Variants in ATAD2 observed in about 807,000 individuals in gnomAD.
The protein encoded by ATAD2 is ATPase family AAA domain containing 2.
A neutral mutation model predicts 168.9 loss-of-function variants in ATAD2; 62 were observed. The observed-to-expected ratio is 0.37, with a 90% CI of 0.30 to 0.45. The LOEUF is 0.45. ATAD2 is among the 20% of genes least tolerant of loss of function. The pLI, the probability that ATAD2 is intolerant of heterozygous loss-of-function variation, is 1.00. For synonymous variants in ATAD2, 613 were observed against 571.6 expected, an observed-to-expected ratio of 1.07 and a Z score of -1.03; for missense variants, 1,419 against 1,667.8, an observed-to-expected ratio of 0.85 and a Z score of 2.60.
At chr8:123,364,786 A>C (rs1285069542) in intron 8 of ATAD2, among the ~76,000 whole-genome samples, 1 of 152,176 alleles carries the variant, frequency 6.6e-6, no homozygotes, top group African/African-American at 2.4e-5. Flanking sequence ...CAATGTAATA[A>C]AAGCCATCTA....
At chr8:123,344,793 T>C in intron 19 of ATAD2, 91 bp downstream of exon 19, 1 of 1,382,534 alleles carries the variant, frequency 7.2e-7, no homozygotes. Flanking sequence ...TATTCACTTC[T>C]ACAGCATTTG....
At chr8:123,353,385 ACAAAC>A (rs981831330) in intron 13 of ATAD2, among the ~76,000 whole-genome samples, 1 of 152,108 alleles carries the variant, frequency 6.6e-6, no homozygotes, top group Non-Finnish European at 1.5e-5. Flanking sequence ...AACAACAACA[ACAAAC>A]CAAACCAAAA....
Position 123,369,923 on chromosome 8 carries a change from C to A in ATAD2, c.829G>T (p.Asp277Tyr), listed in dbSNP as rs745660143. 2.6e-6 allele frequency: 4 copies of A among 1,550,444 alleles called. No homozygotes were observed. Among genetic ancestry groups the A allele is most frequent in the African/African-American group, 1.4e-5 (1 of 70,914 alleles). ...TCTTCTTCATCTTCATCATCTTCAT[C>A]ATCATCATCATCATCATCATCGTCA... ...DDDDDDDDDD[D>Y]EDDEDEEDGE... is the part of the protein sequence containing the mutation. Residue 277 changes from aspartate (D) to tyrosine (Y), a missense_variant, in exon 7 of 28, where the codon GAT (aspartate) becomes TAT (tyrosine). Coordinates refer to ENST00000287394, the MANE Select transcript of ATAD2 (RefSeq NM_014109.4).
chr8:123,351,833 C>T (rs181268809), intron 13 of ATAD2, among the ~76,000 whole-genome samples: 134 of 151,846 alleles, frequency 8.8e-4, no homozygotes, highest in African/African-American at 3.0e-3. Context: ...CTGCAAGCTC[C>T]GCCTCCCGGG....
intron 1 of ATAD2, among the ~76,000 whole-genome samples, chr8:123,388,256 C>T (rs1829704066): frequency 6.6e-6 from 1 of 152,164 alleles, no homozygotes. Flanking sequence ...AGTACAGTGG[C>T]ACAATCATGG....
chr8:123,396,416 C>T lies in ATAD2; in HGVS notation c.-59G>A. ...GGAGAGAGATCCAGCTCCAGGCGCT[C>T]GCAGCTCTGGCTCTTCCGCGCTCCG... is the stretch of plus-strand genomic sequence containing the variant. On this transcript the variant is annotated 5_prime_UTR_variant, in exon 1 of 28. Transcript: ENST00000287394. The T allele has an allele frequency of 8.3e-6, 12 of 1,454,176 alleles. No individual in the cohort carries two copies. The highest frequency in any genetic ancestry group is 1.1e-5 in the Non-Finnish European group (12 of 1,104,210). The allele number at this position is 1,454,176 out of a possible 1,614,324, so 90.1% of individuals were successfully genotyped here. A position where few individuals can be genotyped will look rare whatever the true frequency, so the allele number is the denominator to read the frequency against.
chr8:123,409,358 A>G (rs943326689), intron 1 of ATAD2, among the ~76,000 whole-genome samples: 1 of 152,208 alleles, frequency 6.6e-6, no homozygotes, highest in Non-Finnish European at 1.5e-5. Flanking sequence ...CTGAGTTCAC[A>G]TAGTACATTG....
chr8:123,371,032 T>C, intron 5 of ATAD2, 42 bp from the exon 6 acceptor site: 2 of 1,431,598 alleles, frequency 1.4e-6, no homozygotes, highest in Non-Finnish European at 1.9e-6. Context: ...TTGGAATCTA[T>C]TTATTAAAAA....
At chr8:123,372,894 T>C (rs1829190175) in intron 2 of ATAD2, among the ~76,000 whole-genome samples, 1 of 141,924 alleles carries the variant, frequency 7.0e-6, no homozygotes, top group Non-Finnish European at 1.5e-5. Flanking sequence ...CCAGCTAACT[T>C]TTTTTTTTTT....
At chr8:123,382,643 A>G (rs956994312) in intron 1 of ATAD2, among the ~76,000 whole-genome samples, 1 of 152,226 alleles carries the variant, frequency 6.6e-6, no homozygotes, top group African/African-American at 2.4e-5. Flanking sequence ...TAAAACCACA[A>G]TGAGATACCA....
intron 1 of ATAD2, among the ~76,000 whole-genome samples, chr8:123,407,482 G>A (rs1813083340): frequency 6.6e-6 from 1 of 152,162 alleles, no homozygotes; most frequent in Non-Finnish European, 1.5e-5. Context: ...CCAGCACTTC[G>A]GGAGGCTGAG....
In ATAD2 at chr8:123,328,289, T is replaced by C. The variant is rs1392887308; in HGVS notation, c.3769A>G (p.Lys1257Glu). 4 of 1,602,430 alleles carry C rather than the reference T, an allele frequency of 2.5e-6. No homozygotes were observed. Among genetic ancestry groups the C allele is most frequent in the Non-Finnish European group, 2.6e-6 (3 of 1,175,746 alleles). ...NIENELEDSR[K>E]TTACTELRDK... ...CTCAATTCTGTACATGCTGTAGTCT[T>C]CCTAGAGTCTTCAAGCTCATTCTCT... is the stretch of plus-strand genomic sequence containing the variant. Residue 1257 changes from lysine (K) to glutamate (E), a missense_variant, in exon 25 of 28, where the codon AAG becomes GAG. By Grantham distance (56) the Lys-to-Glu change is moderately conservative (BLOSUM62 1). Around this residue, in one of 5 missense-constraint regions of ATAD2, gnomAD observed 303 missense variants for 304.3 expected, o/e 1.00. Transcript: ENST00000287394.
chr8:123,384,384 T>G (rs1421989622), intron 1 of ATAD2, among the ~76,000 whole-genome samples: 1 of 152,206 alleles, frequency 6.6e-6, no homozygotes. Flanking sequence ...TTTTTGTTTG[T>G]TTGTTTTGCT....
intron 2 of ATAD2, among the ~76,000 whole-genome samples, chr8:123,378,358 A>C (rs1829385118): frequency 6.6e-6 from 1 of 152,220 alleles, no homozygotes; most frequent in Admixed American, 6.5e-5. Context: ...TTAAAAACTC[A>C]AAAGGGCATA....
rs572719990 is a variant in ATAD2 at position 123,353,437 on chromosome 8, A to AT, written c.1646+2951dup. On this transcript the variant is annotated intron_variant, in intron 13 of 27. Transcript: ENST00000287394. The stretch of plus-strand genomic sequence containing the variant: ...AAAAAACTAACAACATAAAAAAGTG[A>AT]TTTTTTTTAGGTATTTGATATATTT... Among the ~76,000 whole-genome samples the AT allele has an allele frequency of 4.0e-4, 61 of 152,090 alleles. No homozygotes were observed. In the South Asian group the frequency reaches 8.3e-3, roughly 21 times the overall value.
upstream of ATAD2, among the ~76,000 whole-genome samples, chr8:123,397,707 T>A (rs1812920988): frequency 6.6e-6 from 1 of 152,098 alleles, no homozygotes; most frequent in African/African-American, 2.4e-5. Flanking sequence ...AGAACAAAAA[T>A]GCCCTAATGG....
At chr8:123,389,623 G>C (rs888164518) in intron 1 of ATAD2, among the ~76,000 whole-genome samples, 5 of 151,158 alleles carry the variant, frequency 3.3e-5, no homozygotes, top group African/African-American at 1.2e-4. Flanking sequence ...CTGGGCGACA[G>C]AGCAAGGCTC....
In ATAD2 at chr8:123,330,489, C is replaced by T. The variant is rs574052942; in HGVS notation, c.3479-1910G>A. 1.1e-4 allele frequency among the ~76,000 whole-genome samples: 16 copies of T among 152,196 alleles called. No individual in the cohort carries two copies. The Middle Eastern group carries it at 0.01, about 98-fold the overall frequency. On this transcript the variant is annotated intron_variant, in intron 24 of 27. Transcript: ENST00000287394. Reference sequence around the variant, plus strand: ...ACGCCATTCTCCTGCCTCAGCCTCCCGAGTAGCTGGACTACAGGTGCCGCC... The same window carrying T: ...ACGCCATTCTCCTGCCTCAGCCTCCTGAGTAGCTGGACTACAGGTGCCGCC...
chr8:123,405,248 T>TTTTC (rs1192716453), intron 1 of ATAD2, among the ~76,000 whole-genome samples: 1 of 125,550 alleles, frequency 8.0e-6, no homozygotes, highest in Non-Finnish European at 1.6e-5. Context: ...TTCTTTTTCA[T>TTTTC]TTTCTTTCTT....
Sources: gnomAD v4.1 joint callset for allele counts (sites outside exome capture counted in the v4.1 genomes callset) on GRCh38, gnomAD v4.1.1 for gene constraint, gnomAD v4.1.1 regional missense constraint, MANE v1.5 for transcripts, NCBI Gene and HGNC (gene_info 2026-07-23, HGNC 2026-07-21) for gene names.